The following ZFPM2 variants were observed in gnomAD, a reference collection of about 807,000 sequenced individuals.
ZFPM2 encodes zinc finger protein ZFPM2.
ZFPM2 carries 20 observed loss-of-function variants against 98.6 expected under a neutral mutation model. The ratio of observed to expected loss-of-function variants is 0.20; its 90% CI spans 0.14 to 0.29. ZFPM2 has a LOEUF of 0.29. ZFPM2 is among the 10% of genes least tolerant of loss of function. The pLI, the probability that ZFPM2 is intolerant of heterozygous loss-of-function variation, is 1.00. For missense variants in ZFPM2, 1,310 were observed against 1,388.6 expected, an observed-to-expected ratio of 0.94 and a Z score of 0.90; for synonymous variants, 518 against 502.7, an observed-to-expected ratio of 1.03 and a Z score of -0.41.
At chr8:105,601,567 A>G (rs1816092549) in intron 4 of ZFPM2, among the ~76,000 whole-genome samples, 2 of 152,122 alleles carry the variant, frequency 1.3e-5, no homozygotes, top group Non-Finnish European at 2.9e-5. Context: ...ATTCTTCTAA[A>G]AGTAGAGATA....
chr8:105,799,056 T>C (rs1813922702), intron 7 of ZFPM2, 108 bp downstream of exon 7: 1 of 1,055,192 alleles, frequency 9.5e-7, no homozygotes, highest in Non-Finnish European at 1.3e-6. Flanking sequence ...TAGCTATCTA[T>C]AACATCAAAA....
intron 5 of ZFPM2, among the ~76,000 whole-genome samples, chr8:105,731,037 A>G (rs1411407004): frequency 6.6e-6 from 1 of 151,684 alleles, no homozygotes. Flanking sequence ...TTTTGTAGAT[A>G]TGAACACTGA....
rs144887325 is a variant in ZFPM2 at position 105,798,377 on chromosome 8, G to GAGGT, written c.740-344_740-341dup. The GAGGT allele has an allele frequency of 0.085, 13,900 of 163,122 alleles. 672 individuals carry two copies. Among genetic ancestry groups the GAGGT allele is most frequent in the African/African-American group, 0.12 (5,202 of 41,786 alleles). The allele number at this position is 163,122 out of a possible 1,614,324, so 10.1% of individuals were successfully genotyped here. A position where few individuals can be genotyped will look rare whatever the true frequency, so the allele number is the denominator to read the frequency against. On this transcript the variant is annotated intron_variant, in intron 6 of 7. Transcript: ENST00000407775. ...AGGCAGGAGAATTGCTTGAACCCAG[G>GAGGT]AGGTAGAGGTTGCAGTGAGTTGAGA... is the stretch of plus-strand genomic sequence containing the variant.
rs560024871 is a variant in ZFPM2 at position 105,796,614 on chromosome 8, C to T, written c.740-2110C>T. ...TTTGATCATTAGTTTTTCTCCTTAT[C>T]GCCTTTAATGTTGTCTCCCTGAGCC... On this transcript the variant is annotated intron_variant, in intron 6 of 7. Coordinates refer to ENST00000407775, the MANE Select transcript of ZFPM2 (RefSeq NM_012082.4). Among the ~76,000 whole-genome samples the T allele has an allele frequency of 4.0e-4, 61 of 152,264 alleles. 1 individual carries two copies. The South Asian group carries it at 4.4e-3, about 11-fold the overall frequency.
At chr8:105,628,880 C>T (rs1816707195) in intron 4 of ZFPM2, among the ~76,000 whole-genome samples, 1 of 151,440 alleles carries the variant, frequency 6.6e-6, no homozygotes, top group African/African-American at 2.4e-5. Context: ...CACACTGGCC[C>T]TTTGCCCTCG....
intron 1 of ZFPM2, among the ~76,000 whole-genome samples, chr8:105,332,383 A>G (rs925910381): frequency 1.3e-5 from 2 of 151,762 alleles, no homozygotes; most frequent in Non-Finnish European, 2.9e-5. Context: ...CACATAGCAG[A>G]TGCTCAAAGA....
intron 3 of ZFPM2, among the ~76,000 whole-genome samples, chr8:105,494,227 A>ATATATATATATATATAT (rs56993483): frequency 1.7e-4 from 22 of 127,636 alleles, no homozygotes; most frequent in Non-Finnish European, 2.1e-4. Flanking sequence ...ATATATATAT[A>ATATATATATATATATAT]ATCTCAAACT....
intron 5 of ZFPM2, among the ~76,000 whole-genome samples, chr8:105,757,147 T>C (rs1395746866): frequency 6.6e-6 from 1 of 152,180 alleles, no homozygotes; most frequent in Non-Finnish European, 1.5e-5. Context: ...TTTTTTATTA[T>C]GTTACAACTT....
chr8:105,560,149 A>G (rs1205046919), intron 3 of ZFPM2, among the ~76,000 whole-genome samples: 1 of 150,172 alleles, frequency 6.7e-6, no homozygotes, highest in African/African-American at 2.5e-5. Flanking sequence ...AGCCTGGGCA[A>G]CAAGAGCGAA....
intron 5 of ZFPM2, among the ~76,000 whole-genome samples, chr8:105,690,387 A>G (rs542491157): frequency 6.6e-6 from 1 of 152,320 alleles, no homozygotes; most frequent in South Asian, 2.1e-4. Flanking sequence ...TTTAGCTGGC[A>G]TTGACCATCG....
chr8:105,563,778 A>G (rs375097466), intron 4 of ZFPM2, among the ~76,000 whole-genome samples: 2 of 152,170 alleles, frequency 1.3e-5, no homozygotes, highest in Admixed American at 6.5e-5. Flanking sequence ...ATTTTAAACT[A>G]TATCATATTT....
intron 1 of ZFPM2, among the ~76,000 whole-genome samples, chr8:105,394,789 G>A (rs1004152552): frequency 3.3e-5 from 5 of 152,176 alleles, no homozygotes; most frequent in African/African-American, 9.7e-5. Context: ...ATTAAAGGGT[G>A]CGTCATTAAA....
At chr8:105,630,559 T>C (rs1188941175) in intron 4 of ZFPM2, among the ~76,000 whole-genome samples, 1 of 152,198 alleles carries the variant, frequency 6.6e-6, no homozygotes, top group East Asian at 1.9e-4. Context: ...ATAAATTGTT[T>C]TCTCAATTTT....
chr8:105,573,336 A>G (rs1815397277), intron 4 of ZFPM2, among the ~76,000 whole-genome samples: 1 of 152,150 alleles, frequency 6.6e-6, no homozygotes, highest in Non-Finnish European at 1.5e-5. Context: ...TGAAACCAGA[A>G]GGCTGGGATG....
intron 3 of ZFPM2, among the ~76,000 whole-genome samples, chr8:105,517,432 A>G (rs1482239103): frequency 6.6e-6 from 1 of 152,188 alleles, no homozygotes; most frequent in Non-Finnish European, 1.5e-5. Context: ...ATATGTATTT[A>G]CAGTGGACAG....
intron 5 of ZFPM2, among the ~76,000 whole-genome samples, chr8:105,677,431 T>C (rs1810496937): frequency 1.3e-5 from 2 of 152,156 alleles, no homozygotes; most frequent in Admixed American, 6.5e-5. Context: ...GTCCACACTC[T>C]TAAATCCAAA....
chr8:105,770,347 GTGTGGGTCTT>G (rs1812952731), intron 5 of ZFPM2, among the ~76,000 whole-genome samples: 1 of 152,076 alleles, frequency 6.6e-6, no homozygotes, highest in Admixed American at 6.6e-5. Context: ...AACACCCAGA[GTGTGGGTCTT>G]TGAACTTACA....
chr8:105,619,400 T>C (rs1816486608), intron 4 of ZFPM2, among the ~76,000 whole-genome samples: 1 of 152,108 alleles, frequency 6.6e-6, no homozygotes, highest in African/African-American at 2.4e-5. Flanking sequence ...GTGAACATCT[T>C]GAAGAAATGT....
chr8:105,441,894 G>A (rs1812258492), intron 2 of ZFPM2, among the ~76,000 whole-genome samples: 1 of 152,104 alleles, frequency 6.6e-6, no homozygotes, highest in Non-Finnish European at 1.5e-5. Context: ...AGGGAACTTG[G>A]TTAGTTCAGG....
Sources: gnomAD v4.1 joint callset for allele counts (sites outside exome capture counted in the v4.1 genomes callset) on GRCh38, gnomAD v4.1.1 for gene constraint, MANE v1.5 for transcripts, NCBI Gene and HGNC (gene_info 2026-07-23, HGNC 2026-07-21) for gene names.